The following CXXC4 variants were observed in gnomAD, a reference collection of about 807,000 sequenced individuals.
The protein encoded by CXXC4 is CXXC-type zinc finger protein 4.
CXXC4 carries 5 observed loss-of-function variants against 20.5 expected under a neutral mutation model. The observed-to-expected ratio is 0.24, with a 90% CI of 0.13 to 0.51. The LOEUF (loss-of-function observed/expected upper bound fraction) is 0.51, where lower values mean the gene tolerates loss of function less well. CXXC4 is among the 20% of genes least tolerant of loss of function. The pLI is 0.97. For synonymous variants in CXXC4, 250 were observed against 216.4 expected, an observed-to-expected ratio of 1.16 and a Z score of -1.36; for missense variants, 419 against 496.4, an observed-to-expected ratio of 0.84 and a Z score of 1.48.
rs1223358123 is a variant in CXXC4, at chr4:104,491,632, G to A, written c.171C>T (p.Phe57=). ...TGCGCGCGATCTTGGCCGCCTGTGG[G>A]AAGGCGCCCCCGTTGGTCTTGTAGA... ...TSFYKTNGGA[F]PQAAKIARIT... The change falls in exon 2 of 3, where the codon TTC becomes TTT. Residue 57 remains phenylalanine (F), a synonymous_variant. Transcript: ENST00000394767. The A allele has an allele frequency of 6.5e-7, 1 of 1,543,084 alleles. No homozygotes were observed.
At chr4:104,487,105 A>C (rs1736719772) in intron 2 of CXXC4, among the ~76,000 whole-genome samples, 1 of 152,154 alleles carries the variant, frequency 6.6e-6, no homozygotes, top group South Asian at 2.1e-4. Flanking sequence ...AGATAAAAGA[A>C]AGTAAAGAAA....
Position 104,469,814 on chromosome 4 carries a change from A to ATTTC in CXXC4, c.*2504_*2507dup, listed in dbSNP as rs1736216953. 1 of 152,098 alleles carries ATTTC rather than the reference A, an allele frequency of 6.6e-6. No individual in the cohort carries two copies. Among genetic ancestry groups the ATTTC allele is most frequent in the Non-Finnish European group, 1.5e-5 (1 of 67,972 alleles). The allele number at this position is 152,098 out of a possible 1,614,324, so 9.4% of individuals were successfully genotyped here. A position where few individuals can be genotyped will look rare whatever the true frequency, so the allele number is the denominator to read the frequency against. The stretch of plus-strand genomic sequence containing the variant: ...AATTAATGAAAAGCTACACTTTCTC[A>ATTTC]TTTCAGTAATCAACAAATTTTCTTT... On this transcript the variant is annotated 3_prime_UTR_variant, in exon 3 of 3. Transcript: ENST00000394767.
At chr4:104,490,161 A>G (rs1384415277) in intron 2 of CXXC4, among the ~76,000 whole-genome samples, 1 of 152,248 alleles carries the variant, frequency 6.6e-6, no homozygotes, top group Admixed American at 6.5e-5. Flanking sequence ...GATACGCAGA[A>G]AATAAAATAG....
rs954522533 is a variant in CXXC4, at chr4:104,491,885, G to T, written c.-83C>A. 8 of 338,268 alleles carry T rather than the reference G, an allele frequency of 2.4e-5. No individual in the cohort carries two copies. The highest frequency in any genetic ancestry group is 3.4e-5 in the Non-Finnish European group (8 of 238,124). 21.0% of individuals were successfully genotyped at this position (338,268 alleles called of 1,614,324 possible). A position where few individuals can be genotyped will look rare whatever the true frequency, so the allele number is the denominator to read the frequency against. ...CTGGGTGGAAAAGGGGGAAAGGTGGGGGGGAGGGAAGGGAGTGATGGTGGT... is the reference window on the plus strand; with the variant it reads ...CTGGGTGGAAAAGGGGGAAAGGTGGTGGGGAGGGAAGGGAGTGATGGTGGT... On this transcript the variant is annotated 5_prime_UTR_variant, in exon 2 of 3. Transcript: ENST00000394767.
chr4:104,486,050 T>C (rs887689189), intron 2 of CXXC4, among the ~76,000 whole-genome samples: 2 of 152,086 alleles, frequency 1.3e-5, no homozygotes, highest in African/African-American at 2.4e-5. Context: ...TTATATTTTG[T>C]TTGATGATGG....
chr4:104,475,968 C>A lies in CXXC4; in HGVS notation c.1060-3602G>T, dbSNP rs957764702. Among the ~76,000 whole-genome samples the A allele has an allele frequency of 2.0e-5, 3 of 152,010 alleles. No individual in the cohort carries two copies. The South Asian group carries it at 6.2e-4, about 32-fold the overall frequency. On this transcript the variant is annotated intron_variant, in intron 2 of 2. Transcript: ENST00000394767. ...GGAGGCCTGTGGAGAAACCTGCAGC[C>A]CCAGTTCTCTTTCTGGTACTGCTGT...
intron 2 of CXXC4, chr4:104,475,184 G>A (rs1414472233): frequency 6.6e-6 from 1 of 152,128 alleles, no homozygotes; most frequent in Non-Finnish European, 1.5e-5. Flanking sequence ...CAGGAGAAGT[G>A]AGAAGGTAAG....
At chr4:104,484,780 C>G (rs1307828863) in intron 2 of CXXC4, among the ~76,000 whole-genome samples, 1 of 152,028 alleles carries the variant, frequency 6.6e-6, no homozygotes, top group Admixed American at 6.6e-5. Context: ...GCTGTCGCAT[C>G]TGAAGTATGG....
At chr4:104,488,112 C>A (rs1461535190) in intron 2 of CXXC4, among the ~76,000 whole-genome samples, 1 of 152,092 alleles carries the variant, frequency 6.6e-6, no homozygotes, top group Non-Finnish European at 1.5e-5. Context: ...TAATTGGCAC[C>A]CATAATTCAA....
At chr4:104,481,635 A>T (rs1240636984) in intron 2 of CXXC4, among the ~76,000 whole-genome samples, 1 of 152,174 alleles carries the variant, frequency 6.6e-6, no homozygotes, top group African/African-American at 2.4e-5. Flanking sequence ...GAGCAGGAAT[A>T]AAGAACATTT....
In CXXC4 at chr4:104,477,653, A is replaced by T. The variant is rs1560539480; in HGVS notation, c.1060-5287T>A. Among the ~76,000 whole-genome samples, 6 of 152,020 alleles carry T rather than the reference A, an allele frequency of 3.9e-5. No individual in the cohort carries two copies. The South Asian group carries it at 1.2e-3, about 31-fold the overall frequency. On this transcript the variant is annotated intron_variant, in intron 2 of 2. Transcript: ENST00000394767. Reference sequence around the variant, plus strand: ...GTAAAGTATAGGCTAATAATATAAGAGAACTATTAATGATTATCACACAGT... The same window carrying T: ...GTAAAGTATAGGCTAATAATATAAGTGAACTATTAATGATTATCACACAGT...
At chr4:104,492,135 A>G (rs557620539) in intron 1 of CXXC4, 76 bp from the exon 2 acceptor site, 61 of 176,064 alleles carry the variant, frequency 3.5e-4, no homozygotes, top group African/African-American at 1.4e-3. Context: ...TCACTAACCC[A>G]CCGCAGACAC....
chr4:104,468,904 T>C lies in CXXC4; in HGVS notation c.*3418A>G, dbSNP rs1343667518. On this transcript the variant is annotated 3_prime_UTR_variant, in exon 3 of 3. Transcript: ENST00000394767. ...CTTAAAGACTTTATATGCTTTAGCA[T>C]TAATTGCACAACTTACATATCAGGG... 6.6e-6 allele frequency: 1 copy of C among 152,080 alleles called. No homozygotes were observed. Among genetic ancestry groups the C allele is most frequent in the African/African-American group, 2.4e-5 (1 of 41,436 alleles). The allele number at this position is 152,080 out of a possible 1,614,324, so 9.4% of individuals were successfully genotyped here.
rs1300040139 is a variant in CXXC4, at chr4:104,472,239, T to C, written c.*83A>G. 1 of 763,106 alleles carries C rather than the reference T, an allele frequency of 1.3e-6. No homozygotes were observed. Among genetic ancestry groups the C allele is most frequent in the Non-Finnish European group, 2.2e-6 (1 of 463,898 alleles). The allele number at this position is 763,106 out of a possible 1,614,324, so 47.3% of individuals were successfully genotyped here. A position where few individuals can be genotyped will look rare whatever the true frequency, so the allele number is the denominator to read the frequency against. On this transcript the variant is annotated 3_prime_UTR_variant, in exon 3 of 3. Transcript: ENST00000394767. ...AATAATTTCTGGATATTTTCTTCAG[T>C]GGTGGACTAAGCAGTTTCTTAAAAC...
chr4:104,470,132 G>T lies in CXXC4; in HGVS notation c.*2190C>A, dbSNP rs1199391829. ...TTACTTGTAATTAATTAGCAAATTG[G>T]TAAACAAAAAACAAAAAATAAAATA... On this transcript the variant is annotated 3_prime_UTR_variant, in exon 3 of 3. Coordinates refer to ENST00000394767, the MANE Select transcript of CXXC4 (RefSeq NM_025212.4). The T allele has an allele frequency of 1.4e-5, 2 of 143,868 alleles. No individual in the cohort carries two copies. The highest frequency in any genetic ancestry group is 3.0e-5 in the Non-Finnish European group (2 of 66,246). The allele number at this position is 143,868 out of a possible 1,614,324, so 8.9% of individuals were successfully genotyped here.
rs1395935895 is a variant in CXXC4, at chr4:104,491,784, C to G, written c.19G>C (p.Val7Leu). The G allele has an allele frequency of 6.6e-7, 1 of 1,520,170 alleles. No individual in the cohort carries two copies. The highest frequency in any genetic ancestry group is 1.4e-5 in the African/African-American group (1 of 70,498). 94.2% of individuals were successfully genotyped at this position (1,520,170 alleles called of 1,614,324 possible). A position where few individuals can be genotyped will look rare whatever the true frequency, so the allele number is the denominator to read the frequency against. Residue 7 changes from valine (V) to leucine (L), a missense_variant, in exon 2 of 3, where the codon GTG becomes CTG. This residue lies in a region of CXXC4 where 388 missense variants were observed against 416.0 expected (regional missense o/e 0.93). Transcript: ENST00000394767. Reference protein sequence around the residue: MNTNVCVEPGPSPEAPG... With the variant: MNTNVCLEPGPSPEAPG... ...GCCTCCGGGCTCGGCCCGGGCTCCACGCAGACATTGGTGTTCATGGTGCAG... is the reference window on the plus strand; with the variant it reads ...GCCTCCGGGCTCGGCCCGGGCTCCAGGCAGACATTGGTGTTCATGGTGCAG...
intron 2 of CXXC4, 37 bp downstream of exon 2, chr4:104,490,707 G>A (rs757880894): frequency 5.2e-6 from 8 of 1,542,502 alleles, no homozygotes; most frequent in Middle Eastern, 1.7e-4. Context: ...AGGAGGGAAG[G>A]GGGGAGACTG....
Position 104,494,760 on chromosome 4 carries a change from G to A in CXXC4, c.-317C>T, listed in dbSNP as rs578237892. ...AGGAGGAGGAGATGGTGTTAGTGGT[G>A]GGGGTGGAAGGAGGAGGAGGTGGGG... is the stretch of plus-strand genomic sequence containing the variant. On this transcript the variant is annotated 5_prime_UTR_variant, in exon 1 of 3. Coordinates refer to ENST00000394767, the MANE Select transcript of CXXC4 (RefSeq NM_025212.4). The A allele has an allele frequency of 6.7e-6, 1 of 149,312 alleles. No homozygotes were observed. Among genetic ancestry groups the A allele is most frequent in the Admixed American group, 6.7e-5 (1 of 14,948 alleles). 9.2% of individuals were successfully genotyped at this position (149,312 alleles called of 1,614,324 possible).
chr4:104,489,528 TCA>T (rs1382275092), intron 2 of CXXC4, among the ~76,000 whole-genome samples: 1 of 152,178 alleles, frequency 6.6e-6, no homozygotes, highest in African/African-American at 2.4e-5. Flanking sequence ...ATCCTGCAAC[TCA>T]CTCCACAGAA....
Sources: allele counts gnomAD v4.1 joint callset (sites outside exome capture counted in the v4.1 genomes callset), GRCh38; gene constraint gnomAD v4.1.1; regional missense constraint gnomAD v4.1.1; transcripts MANE v1.5; gene names NCBI Gene and HGNC (gene_info 2026-07-23, HGNC 2026-07-21).